FAM13A: variants seen among roughly 807,000 people sequenced by gnomAD.
FAM13A encodes the protein family with sequence similarity 13 member A, also known as protein FAM13A.
Under a neutral mutation model 129.6 loss-of-function variants are expected in FAM13A, and 76 were observed. The observed-to-expected ratio is 0.59, with a 90% CI of 0.49 to 0.71. The LOEUF is 0.71. Ranked by LOEUF, FAM13A falls within the 30% of genes least tolerant of loss-of-function variation. The pLI is 0.00. For synonymous variants in FAM13A, 443 were observed against 449.9 expected, an observed-to-expected ratio of 0.98 and a Z score of 0.20; for missense variants, 1,108 against 1,249.3, an observed-to-expected ratio of 0.89 and a Z score of 1.70.
chr4:88,816,407 C>T (rs7695177), intron 7 of FAM13A, among the ~76,000 whole-genome samples: 2 of 151,862 alleles, frequency 1.3e-5, no homozygotes, highest in African/African-American at 2.4e-5. Context: ...GAAATTATGT[C>T]GACAATAGTG....
At chr4:88,740,648 C>A (rs118111687) in intron 19 of FAM13A, among the ~76,000 whole-genome samples, 1 of 152,140 alleles carries the variant, frequency 6.6e-6, no homozygotes, top group African/African-American at 2.4e-5. Context: ...ATTTCTTTTA[C>A]GGGTTTTTTG....
At chr4:88,833,872 T>A (rs1185164725) in intron 7 of FAM13A, among the ~76,000 whole-genome samples, 1 of 151,832 alleles carries the variant, frequency 6.6e-6, no homozygotes, top group Non-Finnish European at 1.5e-5. Flanking sequence ...GGTGATAGAG[T>A]GAGACTCCGT....
At chr4:88,881,392 C>T (rs1743533722) in intron 6 of FAM13A, among the ~76,000 whole-genome samples, 1 of 152,174 alleles carries the variant, frequency 6.6e-6, no homozygotes, top group South Asian at 2.1e-4. Context: ...CACAGCAGTT[C>T]AGCTCTCAGA....
At position 88,800,844 on chromosome 4, in the gene FAM13A, C is replaced by T. The variant is rs78116021; in HGVS notation, c.1049+4167G>A. Among the ~76,000 whole-genome samples, 92 of 152,000 alleles carry T rather than the reference C, an allele frequency of 6.1e-4. 1 individual carries two copies. The highest frequency in any genetic ancestry group is 2.1e-3 in the African/African-American group (88 of 41,466). On this transcript the variant is annotated intron_variant, in intron 8 of 23. Transcript: ENST00000264344. ...CTAAAAAAGTGGATACTTAAATAAACAGCTTGCTTGTTTGTTCCACTTCTT... is the reference window on the plus strand; with the variant it reads ...CTAAAAAAGTGGATACTTAAATAAATAGCTTGCTTGTTTGTTCCACTTCTT...
rs573872398 is a variant in FAM13A at position 89,022,189 on chromosome 4, G to A, written c.218-1520C>T. Among the ~76,000 whole-genome samples, 26 of 152,064 alleles carry A rather than the reference G, an allele frequency of 1.7e-4. 1 individual carries two copies. In the South Asian group the frequency reaches 5.0e-3, roughly 29 times the overall value. On this transcript the variant is annotated intron_variant, in intron 2 of 23. Coordinates refer to ENST00000264344, the MANE Select transcript of FAM13A (RefSeq NM_014883.4). ...CTTTCCCTTAACTGGTAATTGTATT[G>A]CTCTTTTTAAAGCAAAAGAGGAAGC...
chr4:88,946,884 G>A (rs1220304165), intron 4 of FAM13A, among the ~76,000 whole-genome samples: 1 of 152,030 alleles, frequency 6.6e-6, no homozygotes, highest in Non-Finnish European at 1.5e-5. Flanking sequence ...AGTCTTTTCA[G>A]CTGGAATGAC....
intron 1 of FAM13A, among the ~76,000 whole-genome samples, chr4:89,042,703 T>G (rs1770312893): frequency 6.6e-6 from 1 of 152,178 alleles, no homozygotes; most frequent in African/African-American, 2.4e-5. Flanking sequence ...CACAGAAAAG[T>G]AAAGTTTAAG....
chr4:89,002,135 T>G (rs1764330555), intron 3 of FAM13A, among the ~76,000 whole-genome samples: 1 of 120,344 alleles, frequency 8.3e-6, no homozygotes, highest in Non-Finnish European at 1.7e-5. Context: ...TCCACTGAAA[T>G]GACAGTAAAA....
Position 88,886,004 on chromosome 4 carries a change from TA to T in FAM13A, c.843+20374del, listed in dbSNP as rs56673552. ...TGCAAGAATGGCCATAAGCAAAAAA[TA>T]AAAAAAAAAAATAGACGTTGGCATG... On this transcript the variant is annotated intron_variant, in intron 6 of 23. Transcript: ENST00000264344. 1.7e-3 allele frequency among the ~76,000 whole-genome samples: 243 copies of T among 147,182 alleles called. 2 individuals carry two copies. Among genetic ancestry groups the T allele is most frequent in the African/African-American group, 4.4e-3 (179 of 40,388 alleles).
At chr4:88,741,502 G>C (rs1476813115) in intron 19 of FAM13A, among the ~76,000 whole-genome samples, 1 of 152,170 alleles carries the variant, frequency 6.6e-6, no homozygotes, top group East Asian at 1.9e-4. Context: ...ACTGACGAAG[G>C]GAACATGAGC....
chr4:88,740,590 A>G (rs1387828793), intron 19 of FAM13A, among the ~76,000 whole-genome samples: 1 of 152,240 alleles, frequency 6.6e-6, no homozygotes, highest in Non-Finnish European at 1.5e-5. Flanking sequence ...ACATATAATA[A>G]GGCAAGAGTT....
intron 1 of FAM13A, among the ~76,000 whole-genome samples, chr4:89,032,244 CAAA>C (rs778575945): frequency 7.5e-6 from 1 of 133,546 alleles, no homozygotes. Context: ...GACTCCGTCT[CAAA>C]AAAAAAAAAA....
intron 3 of FAM13A, among the ~76,000 whole-genome samples, chr4:89,011,654 A>G (rs752274571): frequency 2.8e-4 from 43 of 152,156 alleles, no homozygotes; most frequent in Non-Finnish European, 5.3e-4. Context: ...TCTTTTGCTA[A>G]TCTCTTCTAG....
intron 7 of FAM13A, among the ~76,000 whole-genome samples, chr4:88,820,147 A>G (rs1731609622): frequency 6.6e-6 from 1 of 152,250 alleles, no homozygotes; most frequent in Admixed American, 6.5e-5. Context: ...ACAATACGCT[A>G]AGAAAGGCTA....
intron 10 of FAM13A, among the ~76,000 whole-genome samples, chr4:88,787,320 TCTGA>T (rs533573722): frequency 1.1e-4 from 16 of 152,272 alleles, no homozygotes; most frequent in African/African-American, 3.9e-4. Context: ...TATAGGGATA[TCTGA>T]CTATTTAATC....
At chr4:88,989,950 GA>G (rs1762737185) in intron 4 of FAM13A, 1 of 152,024 alleles carries the variant, frequency 6.6e-6, no homozygotes, top group Non-Finnish European at 1.5e-5. Context: ...ACAAATATAA[GA>G]AAAAATATAG....
intron 10 of FAM13A, 48 bp from the exon 11 acceptor site, chr4:88,781,399 C>A: frequency 7.6e-7 from 1 of 1,319,362 alleles, no homozygotes; most frequent in South Asian, 1.4e-5. Flanking sequence ...ATCAAATGGT[C>A]ATTGAATGAT....
At chr4:88,999,372 A>G (rs1763957581) in intron 3 of FAM13A, among the ~76,000 whole-genome samples, 1 of 152,194 alleles carries the variant, frequency 6.6e-6, no homozygotes, top group African/African-American at 2.4e-5. Context: ...TTAGCAGCTG[A>G]AGAACTTATT....
At chr4:88,808,680 C>T (rs1729062243) in intron 7 of FAM13A, among the ~76,000 whole-genome samples, 1 of 152,038 alleles carries the variant, frequency 6.6e-6, no homozygotes, top group Non-Finnish European at 1.5e-5. Flanking sequence ...CATTCGATTT[C>T]CTCCTTGGTT....
Sources: gnomAD v4.1 joint callset for allele counts (sites outside exome capture counted in the v4.1 genomes callset) on GRCh38, gnomAD v4.1.1 for gene constraint, MANE v1.5 for transcripts, NCBI Gene and HGNC (gene_info 2026-07-23, HGNC 2026-07-21) for gene names.